The following GXYLT2 variants were observed in gnomAD, a reference collection of about 807,000 sequenced individuals.
GXYLT2 encodes the protein glucoside xylosyltransferase 2.
In GXYLT2, 53 loss-of-function variants were observed where a neutral mutation model predicts 45.8. That is an observed-to-expected ratio of 1.16 (90% CI 0.93 to 1.46). The LOEUF (loss-of-function observed/expected upper bound fraction) is 1.46. Ranked by LOEUF, GXYLT2 falls within the 40% of genes most tolerant of loss-of-function variation. GXYLT2 has a pLI of 0.00. For synonymous variants in GXYLT2, 219 were observed against 214.2 expected, an observed-to-expected ratio of 1.02 and a Z score of -0.19; for missense variants, 551 against 544.4, an observed-to-expected ratio of 1.01 and a Z score of -0.12.
rs1710890943 is a variant in GXYLT2 at position 72,967,577 on chromosome 3, A to G, written c.1007A>G (p.Asn336Ser). 2 of 1,613,846 alleles carry G rather than the reference A, an allele frequency of 1.2e-6. No individual in the cohort carries two copies. Among genetic ancestry groups the G allele is most frequent in the Non-Finnish European group, 1.7e-6 (2 of 1,179,816 alleles). The change falls in exon 6 of 7, where the codon AAC (asparagine) becomes AGC (serine). Residue 336 changes from asparagine to serine, a missense_variant. By Grantham distance (46) the Asn-to-Ser change is conservative. Transcript: ENST00000389617. Reference sequence around the variant, plus strand: ...CTCTATGTATTCCCCTGCCAGTGGAACTACCGTCCCGATCACTGCATGTAC... The same window carrying G: ...CTCTATGTATTCCCCTGCCAGTGGAGCTACCGTCCCGATCACTGCATGTAC... ...ECLYVFPCQW[N>S]YRPDHCMYGS...
chr3:72,965,525 A>G (rs1379452736), intron 5 of GXYLT2, among the ~76,000 whole-genome samples: 5 of 152,090 alleles, frequency 3.3e-5, no homozygotes, highest in South Asian at 2.1e-4. Context: ...TCTGCCCCCA[A>G]CCCTGAAAAG....
chr3:72,936,401 C>T (rs568473278), intron 3 of GXYLT2, among the ~76,000 whole-genome samples: 65 of 152,082 alleles, frequency 4.3e-4, no homozygotes, highest in African/African-American at 1.5e-3. Context: ...TGCCTATAAT[C>T]CCAGCACTTT....
Position 72,944,501 on chromosome 3 carries a change from C to T in GXYLT2, c.601-10597C>T, listed in dbSNP as rs138851751. Reference sequence around the variant, plus strand: ...AACTCCTGACCTCGAGTGATCCGCCCGCCTCAGCCTCCAAAAGTGCTGGGA... The same window carrying T: ...AACTCCTGACCTCGAGTGATCCGCCTGCCTCAGCCTCCAAAAGTGCTGGGA... On this transcript the variant is annotated intron_variant, in intron 3 of 6. Coordinates refer to ENST00000389617, the MANE Select transcript of GXYLT2 (RefSeq NM_001080393.2). Among the ~76,000 whole-genome samples, 797 of 152,004 alleles carry T rather than the reference C, an allele frequency of 5.2e-3. 7 individuals carry two copies. Among genetic ancestry groups the T allele is most frequent in the African/African-American group, 0.018 (762 of 41,470 alleles).
chr3:72,948,618 C>G (rs1402680174), intron 3 of GXYLT2, among the ~76,000 whole-genome samples: 1 of 152,060 alleles, frequency 6.6e-6, no homozygotes, highest in Non-Finnish European at 1.5e-5. Context: ...GCGGGTGGAT[C>G]ACGAGGTCAT....
chr3:72,892,531 C>T (rs1043782967), intron 1 of GXYLT2, among the ~76,000 whole-genome samples: 1 of 151,918 alleles, frequency 6.6e-6, no homozygotes, highest in African/African-American at 2.4e-5. Context: ...TTGCTGCCCT[C>T]CCAGAATTTG....
chr3:72,914,175 G>C (rs1414382024), intron 2 of GXYLT2, among the ~76,000 whole-genome samples: 1 of 152,132 alleles, frequency 6.6e-6, no homozygotes, highest in Non-Finnish European at 1.5e-5. Context: ...TCCTCCGAAG[G>C]CTGCAGTATG....
At chr3:72,900,386 A>C (rs1183340544) in intron 1 of GXYLT2, among the ~76,000 whole-genome samples, 1 of 152,026 alleles carries the variant, frequency 6.6e-6, no homozygotes, top group East Asian at 1.9e-4. Flanking sequence ...ACGTTTTACA[A>C]ACTTCACTCA....
chr3:72,959,855 G>A (rs968980754), intron 5 of GXYLT2, among the ~76,000 whole-genome samples: 5 of 151,750 alleles, frequency 3.3e-5, no homozygotes, highest in South Asian at 4.1e-4. Flanking sequence ...GGCTGGTCTC[G>A]AACTCCTGAC....
intron 3 of GXYLT2, among the ~76,000 whole-genome samples, chr3:72,929,873 C>T (rs551252762): frequency 7.2e-5 from 11 of 152,192 alleles, no homozygotes; most frequent in Non-Finnish European, 1.6e-4. Context: ...CAAATAAAAA[C>T]ACAGAGTTGC....
chr3:72,914,026 A>G (rs1015595955), intron 2 of GXYLT2, among the ~76,000 whole-genome samples: 2 of 152,104 alleles, frequency 1.3e-5, no homozygotes, highest in Admixed American at 6.6e-5. Context: ...GCACATGCTG[A>G]AGGGGTGGGC....
chr3:72,890,657 T>G (rs1304715159), intron 1 of GXYLT2, among the ~76,000 whole-genome samples: 1 of 152,254 alleles, frequency 6.6e-6, no homozygotes, highest in Admixed American at 6.5e-5. Context: ...TGTCTCATTC[T>G]TCAAGGTGTC....
chr3:72,891,521 A>G (rs1709182707), intron 1 of GXYLT2, among the ~76,000 whole-genome samples: 1 of 152,194 alleles, frequency 6.6e-6, no homozygotes, highest in African/African-American at 2.4e-5. Flanking sequence ...ATATAAAGCC[A>G]AGAGGTAAGT....
chr3:72,903,611 A>T (rs1380325946), intron 1 of GXYLT2, among the ~76,000 whole-genome samples: 3 of 152,120 alleles, frequency 2.0e-5, no homozygotes, highest in Admixed American at 6.5e-5. Context: ...ACTGCAGATG[A>T]TTATGATGCA....
At chr3:72,942,109 G>A (rs550763128) in intron 3 of GXYLT2, among the ~76,000 whole-genome samples, 72 of 152,086 alleles carry the variant, frequency 4.7e-4, no homozygotes, top group African/African-American at 1.7e-3. Context: ...TAAAAGGAGG[G>A]GGTTCATATT....
intron 3 of GXYLT2, among the ~76,000 whole-genome samples, chr3:72,931,162 G>A (rs1710026823): frequency 6.6e-6 from 1 of 152,086 alleles, no homozygotes; most frequent in South Asian, 2.1e-4. Context: ...GTCAATAACA[G>A]AAAGAAATTT....
At chr3:72,945,285 C>A (rs1463803247) in intron 3 of GXYLT2, among the ~76,000 whole-genome samples, 1 of 116,472 alleles carries the variant, frequency 8.6e-6, no homozygotes, top group East Asian at 2.5e-4. Flanking sequence ...AAGACTCCAT[C>A]TCAAAAAATA....
intron 3 of GXYLT2, chr3:72,929,732 G>A: frequency 3.6e-6 from 2 of 560,132 alleles, no homozygotes; most frequent in South Asian, 2.1e-5. Context: ...TTCACTTAAT[G>A]CAAAATAAAG....
At chr3:72,968,797 C>T (rs1710925121) in intron 6 of GXYLT2, among the ~76,000 whole-genome samples, 1 of 152,176 alleles carries the variant, frequency 6.6e-6, no homozygotes. Flanking sequence ...CGCAGTGGCT[C>T]ATGCCTGTAA....
intron 6 of GXYLT2, among the ~76,000 whole-genome samples, chr3:72,969,142 G>T (rs1300388304): frequency 6.6e-6 from 1 of 151,942 alleles, no homozygotes; most frequent in African/African-American, 2.4e-5. Context: ...GAGAAAATAG[G>T]GTGGGAATGC....
Sources: allele counts gnomAD v4.1 joint callset (sites outside exome capture counted in the v4.1 genomes callset), GRCh38; gene constraint gnomAD v4.1.1; transcripts MANE v1.5; gene names NCBI Gene and HGNC (gene_info 2026-07-23, HGNC 2026-07-21).